Variants in ASXL2 observed in about 807,000 individuals in gnomAD.
The protein encoded by ASXL2 is putative Polycomb group protein ASXL2.
ASXL2 carries 23 observed loss-of-function variants against 122.0 expected under a neutral mutation model. The ratio of observed to expected loss-of-function variants is 0.19; its 90% CI spans 0.14 to 0.27. ASXL2 has a LOEUF of 0.27. ASXL2 is among the 10% of genes least tolerant of loss of function. The pLI is 1.00. For synonymous variants in ASXL2, 650 were observed against 637.0 expected (o/e 1.02, Z -0.31); for missense variants, 1,518 against 1,713.8 (o/e 0.89, Z 2.02).
Position 25,856,733 on chromosome 2 carries a change from G to C in ASXL2, c.58-11170C>G, listed in dbSNP as rs887685757. 9.2e-6 allele frequency: 12 copies of C among 1,306,498 alleles called. No homozygotes were observed. In the South Asian group the frequency reaches 1.2e-4, roughly 13 times the overall value. The allele number at this position is 1,306,498 out of a possible 1,614,324, so 80.9% of individuals were successfully genotyped here. A position where few individuals can be genotyped will look rare whatever the true frequency, so the allele number is the denominator to read the frequency against. ...TCGATTCAGTCACCGAGCCGATCTG[G>C]TTGACCTTCAGCAGCAGACAGCTGC... On this transcript the variant is annotated intron_variant, in intron 1 of 12. Transcript: ENST00000435504.
At chr2:25,845,241 A>C in intron 2 of ASXL2, 1 of 536,730 alleles carries the variant, frequency 1.9e-6, no homozygotes. Flanking sequence ...CCTAAAAATT[A>C]AAGTGCATGG....
At chr2:25,776,940 C>G (rs1574410793) in intron 5 of ASXL2, among the ~76,000 whole-genome samples, 2 of 152,268 alleles carry the variant, frequency 1.3e-5, no homozygotes, top group East Asian at 3.9e-4. Flanking sequence ...GCCAAACACC[C>G]TTTTTAACAA....
At chr2:25,805,170 G>A (rs1026024971) in intron 4 of ASXL2, among the ~76,000 whole-genome samples, 5 of 152,170 alleles carry the variant, frequency 3.3e-5, no homozygotes, top group African/African-American at 4.8e-5. Flanking sequence ...GCAACACTGG[G>A]CAAGAAAATC....
In ASXL2 at chr2:25,740,790, T is replaced by A. The variant is rs1574387718; in HGVS notation, c.*1239A>T. On this transcript the variant is annotated 3_prime_UTR_variant, in exon 13 of 13. Coordinates refer to ENST00000435504, the MANE Select transcript of ASXL2 (RefSeq NM_018263.6). ...GCAGTAATCCAAACAAGGGCTATAT[T>A]TTCTAAAACAGGAAAAATGTCTTGT... is the stretch of plus-strand genomic sequence containing the variant. 5.0e-6 allele frequency: 1 copy of A among 199,050 alleles called. No individual in the cohort carries two copies. The allele number at this position is 199,050 out of a possible 1,614,324, so 12.3% of individuals were successfully genotyped here. A position where few individuals can be genotyped will look rare whatever the true frequency, so the allele number is the denominator to read the frequency against.
At chr2:25,772,970 A>C (rs2088482232) in intron 5 of ASXL2, among the ~76,000 whole-genome samples, 2 of 152,040 alleles carry the variant, frequency 1.3e-5, no homozygotes, top group Non-Finnish European at 2.9e-5. Flanking sequence ...GTACTTTGGG[A>C]GGCTGAGGCA....
intron 4 of ASXL2, among the ~76,000 whole-genome samples, chr2:25,805,858 G>A (rs576809535): frequency 1.1e-4 from 16 of 152,138 alleles, no homozygotes; most frequent in Non-Finnish European, 2.1e-4. Flanking sequence ...TTGCATTTTA[G>A]TAGAGGTGGG....
chr2:25,771,357 C>T, intron 6 of ASXL2, 83 bp downstream of exon 6: 1 of 1,306,846 alleles, frequency 7.7e-7, no homozygotes, highest in Non-Finnish European at 1.0e-6. Flanking sequence ...AAAAAATTTT[C>T]AAAAAATATC....
At chr2:25,870,774 A>G (rs2149203982) in intron 1 of ASXL2, among the ~76,000 whole-genome samples, 1 of 152,370 alleles carries the variant, frequency 6.6e-6, no homozygotes, top group Non-Finnish European at 1.5e-5. Context: ...ATAGAATTTC[A>G]TGTAAAATAA....
rs551358129 is a variant in ASXL2, at chr2:25,792,157, C to T, written c.403+7228G>A. ...GACTACAGGCACACACCACCACATT[C>T]GGCTAATTTTACTTTTTATTTTTTG... On this transcript the variant is annotated intron_variant, in intron 5 of 12. Coordinates refer to ENST00000435504, the MANE Select transcript of ASXL2 (RefSeq NM_018263.6). 1.4e-4 allele frequency among the ~76,000 whole-genome samples: 22 copies of T among 152,258 alleles called. No individual in the cohort carries two copies. In the South Asian group the frequency reaches 1.5e-3, roughly 10 times the overall value.
Position 25,771,529 on chromosome 2 carries a change from A to T in ASXL2, c.415T>A (p.Ser139Thr). The change falls in exon 6 of 13, where the codon TCC (serine) becomes ACC (threonine). Residue 139 changes from serine to threonine, a missense_variant. This residue lies in a region of ASXL2 where 198 missense variants were observed against 209.0 expected (regional missense o/e 0.95). Transcript: ENST00000435504. The stretch of plus-strand genomic sequence containing the variant: ...GGTGATGGGCAGCCTGACTGCGGGG[A>T]GGACGACGATACTAGGGAAAAAAAA... ...SRWKRKVSSS[S>T]PQSGCPSPTI... 6.2e-7 allele frequency: 1 copy of T among 1,610,870 alleles called. No individual in the cohort carries two copies.
intron 11 of ASXL2, among the ~76,000 whole-genome samples, chr2:25,753,021 G>A (rs186752400): frequency 5.6e-4 from 85 of 150,580 alleles, no homozygotes; most frequent in African/African-American, 1.9e-3. Flanking sequence ...AGGCTGGAGT[G>A]CAATGGCACC....
intron 4 of ASXL2, among the ~76,000 whole-genome samples, chr2:25,804,289 C>T (rs138448395): frequency 1.2e-3 from 176 of 152,346 alleles, no homozygotes; most frequent in East Asian, 8.7e-3. Context: ...CATTCCCCTT[C>T]AGCTGATAAA....
chr2:25,804,330 C>T lies in ASXL2; in HGVS notation c.252+1899G>A, dbSNP rs187721730. 2.6e-5 allele frequency among the ~76,000 whole-genome samples: 4 copies of T among 152,358 alleles called. No homozygotes were observed. In the East Asian group the frequency reaches 7.7e-4, roughly 29 times the overall value. The stretch of plus-strand genomic sequence containing the variant: ...TTTGGGGAAAACTCTCTCCTCAATT[C>T]ACCTGGCTTGAGCAAGCTTAATCTC... On this transcript the variant is annotated intron_variant, in intron 4 of 12. Coordinates refer to ENST00000435504, the MANE Select transcript of ASXL2 (RefSeq NM_018263.6).
intron 1 of ASXL2, among the ~76,000 whole-genome samples, chr2:25,874,907 C>T (rs2089998308): frequency 1.4e-5 from 2 of 147,816 alleles, no homozygotes; most frequent in Non-Finnish European, 3.0e-5. Flanking sequence ...TAGGGAGACC[C>T]TCTCTCTACA....
At chr2:25,849,064 C>CATATATATATATATATATATATATAT (rs139200567) in intron 1 of ASXL2, among the ~76,000 whole-genome samples, 2,157 of 85,702 alleles carry the variant, frequency 0.025, 194 homozygotes, top group African/African-American at 0.035. Context: ...AAAAAATTTA[C>CATATATATATATATATATATATATAT]ATATATATAT....
intron 1 of ASXL2, among the ~76,000 whole-genome samples, chr2:25,846,156 G>C (rs2089645727): frequency 6.6e-6 from 1 of 152,194 alleles, no homozygotes; most frequent in Non-Finnish European, 1.5e-5. Flanking sequence ...TGCTCCAAGA[G>C]AAAAATATTT....
At chr2:25,828,685 A>G (rs1271031636) in intron 3 of ASXL2, among the ~76,000 whole-genome samples, 1 of 150,982 alleles carries the variant, frequency 6.6e-6, no homozygotes, top group Non-Finnish European at 1.5e-5. Context: ...ATTAGCCGGG[A>G]GTGGTGGCAG....
At chr2:25,783,284 G>A (rs1487733222) in intron 5 of ASXL2, among the ~76,000 whole-genome samples, 1 of 151,356 alleles carries the variant, frequency 6.6e-6, no homozygotes, top group Non-Finnish European at 1.5e-5. Context: ...CAATTTTTGT[G>A]TACTGTATTT....
intron 1 of ASXL2, among the ~76,000 whole-genome samples, chr2:25,853,170 C>T (rs1353417363): frequency 6.6e-6 from 1 of 152,120 alleles, no homozygotes; most frequent in African/African-American, 2.4e-5. Context: ...GGTACTAGTT[C>T]CGATTTGATA....
Sources: allele counts gnomAD v4.1 joint callset (sites outside exome capture counted in the v4.1 genomes callset), GRCh38; gene constraint gnomAD v4.1.1; regional missense constraint gnomAD v4.1.1; transcripts MANE v1.5; gene names NCBI Gene and HGNC (gene_info 2026-07-23, HGNC 2026-07-21).